The following CWH43 variants were observed in gnomAD, a reference collection of about 807,000 sequenced individuals.
CWH43 encodes cell wall biogenesis 43 C-terminal homolog, also known as PGAP2-interacting protein.
A neutral mutation model predicts 85.7 loss-of-function variants in CWH43; 91 were observed. The ratio of observed to expected loss-of-function variants is 1.06; its 90% CI spans 0.90 to 1.26. The LOEUF (loss-of-function observed/expected upper bound fraction) is 1.26, where lower values mean the gene tolerates loss of function less well. Ranked by LOEUF, CWH43 falls within the 50% of genes most tolerant of loss-of-function variation. CWH43 has a pLI of 0.00. For missense variants in CWH43, 869 were observed against 839.2 expected (o/e 1.04, Z -0.44); for synonymous variants, 323 against 293.6 (o/e 1.10, Z -1.02).
chr4:49,016,926 TC>T, intron 8 of CWH43: 1 of 784,968 alleles, frequency 1.3e-6, no homozygotes, highest in Non-Finnish European at 2.4e-6. Flanking sequence ...AGGGCTGATC[TC>T]CCCAGTAAAG....
Position 49,061,831 on chromosome 4 carries a change from G to A in CWH43, c.2041G>A (p.Gly681Arg). 7.2e-6 allele frequency: 10 copies of A among 1,389,902 alleles called. No individual in the cohort carries two copies. The highest frequency in any genetic ancestry group is 4.3e-5 in the South Asian group (3 of 68,982). The allele number at this position is 1,389,902 out of a possible 1,614,324, so 86.1% of individuals were successfully genotyped here. ...TTTTAGATTTGGATCCTACAAAGAAGGACACAATTATGAAAACAACCATCA... is the reference window on the plus strand; with the variant it reads ...TTTTAGATTTGGATCCTACAAAGAAAGACACAATTATGAAAACAACCATCA... ...FNPRFGSYKEGHNYENNHHFH... is the reference protein window; with the variant it reads ...FNPRFGSYKERHNYENNHHFH... Residue 681 changes from glycine (G) to arginine (R), a missense_variant, in exon 16 of 16, where the codon GGA (glycine) becomes AGA (arginine). By Grantham distance (125) the Gly-to-Arg change is moderately radical (BLOSUM62 -2). This residue lies in a region of CWH43 where 577 missense variants were observed against 513.1 expected (regional missense o/e 1.12). Transcript: ENST00000226432.
intron 6 of CWH43, among the ~76,000 whole-genome samples, chr4:48,999,542 G>T (rs893513601): frequency 6.6e-6 from 1 of 152,170 alleles, no homozygotes; most frequent in Non-Finnish European, 1.5e-5. Context: ...GCAGTGTATA[G>T]GTGCATAGAT....
chr4:49,012,805 G>T (rs1783407615), intron 8 of CWH43, among the ~76,000 whole-genome samples: 1 of 152,208 alleles, frequency 6.6e-6, no homozygotes, highest in Non-Finnish European at 1.5e-5. Flanking sequence ...AGTGGAGGCT[G>T]CAGAATAGGA....
intron 9 of CWH43, among the ~76,000 whole-genome samples, chr4:49,026,473 T>A (rs1783920337): frequency 6.6e-6 from 1 of 152,146 alleles, no homozygotes; most frequent in African/African-American, 2.4e-5. Context: ...GAGCTGCAAG[T>A]TAGTTTTGCC....
chr4:48,986,407 A>G lies in CWH43; in HGVS notation c.-23A>G. The stretch of plus-strand genomic sequence containing the variant: ...GCCCGACCCGCACGGCTTTCCTGGA[A>G]AGCGCTGCCCCTCGCCGCGGCGATG... On this transcript the variant is annotated 5_prime_UTR_variant, in exon 1 of 16. Coordinates refer to ENST00000226432, the MANE Select transcript of CWH43 (RefSeq NM_025087.3). 1 of 1,549,000 alleles carries G rather than the reference A, an allele frequency of 6.5e-7. No individual in the cohort carries two copies. Among genetic ancestry groups the G allele is most frequent in the African/African-American group, 1.4e-5 (1 of 73,162 alleles).
At chr4:48,999,180 G>T (rs1218786515) in intron 6 of CWH43, among the ~76,000 whole-genome samples, 1 of 152,128 alleles carries the variant, frequency 6.6e-6, no homozygotes, top group African/African-American at 2.4e-5. Context: ...GCAGCATTTG[G>T]TTTTCTGTTC....
intron 1 of CWH43, 192 bp downstream of exon 1, chr4:48,986,664 G>A: frequency 7.3e-7 from 1 of 1,367,088 alleles, no homozygotes; most frequent in Non-Finnish European, 9.4e-7. Context: ...CTAGATTGAA[G>A]TCTTCAAGCT....
At chr4:49,016,701 T>C in intron 8 of CWH43, 1 of 771,318 alleles carries the variant, frequency 1.3e-6, no homozygotes, top group Non-Finnish European at 2.4e-6. Context: ...ATTCACCTTA[T>C]CTGTGATGAC....
chr4:49,051,404 A>C (rs1784793778), intron 15 of CWH43, among the ~76,000 whole-genome samples: 2 of 152,146 alleles, frequency 1.3e-5, no homozygotes, highest in African/African-American at 4.8e-5. Context: ...GCTTTTAAAA[A>C]ATACCACTGC....
At chr4:48,991,317 A>G in intron 2 of CWH43, 137 bp from the exon 3 acceptor site, 7 of 809,750 alleles carry the variant, frequency 8.6e-6, no homozygotes, top group Non-Finnish European at 1.3e-5. Context: ...AAAATTTTAA[A>G]TACATATATA....
chr4:49,004,300 A>T (rs1000911728), intron 7 of CWH43, among the ~76,000 whole-genome samples: 1 of 152,214 alleles, frequency 6.6e-6, no homozygotes, highest in Non-Finnish European at 1.5e-5. Context: ...GTGTTATACG[A>T]TGCGTTAGGA....
At chr4:49,019,555 T>C (rs550461098) in intron 9 of CWH43, among the ~76,000 whole-genome samples, 1 of 152,088 alleles carries the variant, frequency 6.6e-6, no homozygotes, top group Admixed American at 6.6e-5. Flanking sequence ...ATTTTATTAT[T>C]AGTATTATTT....
chr4:49,006,538 C>G (rs1172131477), intron 7 of CWH43, among the ~76,000 whole-genome samples: 1 of 152,300 alleles, frequency 6.6e-6, no homozygotes, highest in Middle Eastern at 3.4e-3. Flanking sequence ...CTGACTTTTA[C>G]TTGACATTTC....
Position 48,992,973 on chromosome 4 carries a change from C to T in CWH43, c.511+883C>T, listed in dbSNP as rs1782701638. ...GTCTGGTCCCCTAACTTATGTTTTA[C>T]ATTCATATCTAGAGGCAGAGACTCG... On this transcript the variant is annotated intron_variant, in intron 4 of 15. Coordinates refer to ENST00000226432, the MANE Select transcript of CWH43 (RefSeq NM_025087.3). The surrounding 1 kb of genome is among the most constrained non-coding windows in gnomAD (Gnocchi z 4.3). Among the ~76,000 whole-genome samples, 1 of 152,292 alleles carries T rather than the reference C, an allele frequency of 6.6e-6. No homozygotes were observed. The highest frequency in any genetic ancestry group is 1.9e-4 in the East Asian group (1 of 5,180).
At chr4:49,058,059 CT>C (rs1331587351) in intron 15 of CWH43, among the ~76,000 whole-genome samples, 1 of 151,954 alleles carries the variant, frequency 6.6e-6, no homozygotes, top group African/African-American at 2.4e-5. Context: ...TTCACTCTGT[CT>C]TTTGATTAGA....
chr4:49,030,771 T>C, intron 10 of CWH43, 54 bp from the exon 11 acceptor site: 1 of 1,467,768 alleles, frequency 6.8e-7, no homozygotes, highest in Non-Finnish European at 9.0e-7. Context: ...TTGCTAATTG[T>C]TTTTTGCCTT....
intron 15 of CWH43, among the ~76,000 whole-genome samples, chr4:49,057,419 G>A (rs796909655): frequency 3.3e-5 from 5 of 152,344 alleles, no homozygotes; most frequent in African/African-American, 1.2e-4. Flanking sequence ...CTCTCTGAAA[G>A]AGGCAGTAAA....
rs1434462902 is a variant in CWH43 at position 49,038,279 on chromosome 4, C to A, written c.1803+99C>A. The A allele has an allele frequency of 8.0e-6, 8 of 1,001,406 alleles. No homozygotes were observed. In the African/African-American group the frequency reaches 1.2e-4, roughly 14 times the overall value. The allele number at this position is 1,001,406 out of a possible 1,614,324, so 62.0% of individuals were successfully genotyped here. ...CAACCTCACCTAAAAATTTCATGTG[C>A]AGTCTATCTACTGCTGCCTAGAAAA... On this transcript the variant is annotated intron_variant, in intron 13 of 15. Transcript: ENST00000226432.
intron 9 of CWH43, among the ~76,000 whole-genome samples, chr4:49,024,565 A>G (rs1454337368): frequency 6.6e-6 from 1 of 152,118 alleles, no homozygotes; most frequent in Non-Finnish European, 1.5e-5. Context: ...TTCTCTTAGC[A>G]TTTGTTTGTC....
Sources: allele counts gnomAD v4.1 joint callset (sites outside exome capture counted in the v4.1 genomes callset), GRCh38; gene constraint gnomAD v4.1.1; regional missense constraint gnomAD v4.1.1; non-coding constraint Gnocchi (gnomAD v3.1); transcripts MANE v1.5; gene names NCBI Gene and HGNC (gene_info 2026-07-23, HGNC 2026-07-21).